FYB2: variants seen among roughly 807,000 people sequenced by gnomAD.
FYB2 encodes the protein FYN-binding protein 2.
In FYB2, 103 loss-of-function variants were observed where a neutral mutation model predicts 94.1. The ratio of observed to expected loss-of-function variants is 1.09; its 90% CI spans 0.93 to 1.29. The LOEUF (loss-of-function observed/expected upper bound fraction) is 1.29, where lower values mean the gene tolerates loss of function less well. Among genes scored for constraint, FYB2 ranks in the 50% most tolerant of loss-of-function variants. The pLI is 0.00. For missense variants in FYB2, 896 were observed against 841.5 expected (o/e 1.06, Z -0.80); for synonymous variants, 293 against 287.9 (o/e 1.02, Z -0.18).
chr1:56,756,235 C>A (rs1645327298), intron 6 of FYB2, among the ~76,000 whole-genome samples: 1 of 152,142 alleles, frequency 6.6e-6, no homozygotes, highest in Admixed American at 6.5e-5. Context: ...ACTTCTAAAT[C>A]CTATGAGAAA....
At chr1:56,795,773 T>C (rs911307486) in intron 1 of FYB2, among the ~76,000 whole-genome samples, 3 of 152,336 alleles carry the variant, frequency 2.0e-5, no homozygotes, top group Admixed American at 6.5e-5. Context: ...ATGTTGTTGC[T>C]TAGATTTTAG....
chr1:56,743,573 A>ACAAG (rs747993973), intron 11 of FYB2, among the ~76,000 whole-genome samples: 3 of 152,116 alleles, frequency 2.0e-5, no homozygotes, highest in Middle Eastern at 3.4e-3. Context: ...GGCAAATTAT[A>ACAAG]CAAGCTAAAA....
At chr1:56,793,738 G>T (rs1453653282) in intron 1 of FYB2, among the ~76,000 whole-genome samples, 4 of 80,678 alleles carry the variant, frequency 5.0e-5, no homozygotes, top group East Asian at 4.2e-4. Context: ...AACGAAAGTT[G>T]AAAAAAAAAA....
intron 4 of FYB2, among the ~76,000 whole-genome samples, chr1:56,773,466 C>T (rs759176115): frequency 4.6e-5 from 7 of 152,210 alleles, no homozygotes; most frequent in Non-Finnish European, 8.8e-5. Context: ...ATGCACCTCT[C>T]ATTGGCTGTG....
chr1:56,742,262 G>C, intron 11 of FYB2, 41 bp from the exon 12 acceptor site: 1 of 1,425,914 alleles, frequency 7.0e-7, no homozygotes, highest in Non-Finnish European at 9.8e-7. Flanking sequence ...CATTATAATA[G>C]CAATAGTTCA....
chr1:56,740,058 G>T lies in FYB2; in HGVS notation c.1703+639C>A, dbSNP rs550648531. ...GGAATGCTGTGGGTGTATAAAGGAA[G>T]TGATATGCCCACAGTTGTACATGGA... is the stretch of plus-strand genomic sequence containing the variant. On this transcript the variant is annotated intron_variant, in intron 13 of 19. Coordinates refer to ENST00000343433, the MANE Select transcript of FYB2 (RefSeq NM_001004303.5). Among the ~76,000 whole-genome samples the T allele has an allele frequency of 9.9e-5, 15 of 152,180 alleles. No homozygotes were observed. The South Asian group carries it at 2.5e-3, about 25-fold the overall frequency.
chr1:56,785,855 C>A (rs1646122424), intron 4 of FYB2, among the ~76,000 whole-genome samples: 1 of 152,194 alleles, frequency 6.6e-6, no homozygotes, highest in Non-Finnish European at 1.5e-5. Context: ...CCATTCTTCA[C>A]TCCTTCCTGC....
upstream of FYB2, among the ~76,000 whole-genome samples, chr1:56,822,078 T>C (rs1276543628): frequency 6.6e-6 from 1 of 152,186 alleles, no homozygotes; most frequent in African/African-American, 2.4e-5. Flanking sequence ...CACTTAATCA[T>C]GTATAAAGAA....
At chr1:56,787,379 A>G (rs1372563007) in intron 3 of FYB2, among the ~76,000 whole-genome samples, 171 bp from the exon 4 acceptor site, 1 of 152,234 alleles carries the variant, frequency 6.6e-6, no homozygotes, top group Non-Finnish European at 1.5e-5. Flanking sequence ...CTGTCCCTGC[A>G]TTGCAGCACT....
At chr1:56,742,622 C>T (rs940576535) in intron 11 of FYB2, among the ~76,000 whole-genome samples, 2 of 152,078 alleles carry the variant, frequency 1.3e-5, no homozygotes, top group African/African-American at 4.8e-5. Context: ...AATAATCTCT[C>T]CCTTCACAGC....
intron 15 of FYB2, among the ~76,000 whole-genome samples, chr1:56,729,601 C>A (rs1394262358): frequency 6.6e-6 from 1 of 152,056 alleles, no homozygotes; most frequent in African/African-American, 2.4e-5. Context: ...CAACTCTAAG[C>A]AGATTATCTA....
intron 2 of FYB2, among the ~76,000 whole-genome samples, chr1:56,791,121 A>G (rs1646253722): frequency 6.6e-6 from 1 of 152,198 alleles, no homozygotes; most frequent in Non-Finnish European, 1.5e-5. Flanking sequence ...GAAACCATAC[A>G]AGGTTGTAAG....
Position 56,787,283 on chromosome 1 carries a change from G to T in FYB2, c.920-75C>A, listed in dbSNP as rs375739565. 2,138 of 1,535,186 alleles carry T rather than the reference G, an allele frequency of 1.4e-3. 9 individuals carry two copies. Among genetic ancestry groups the T allele is most frequent in the South Asian group, 1.5e-3 (138 of 89,328 alleles). Reference sequence around the variant, plus strand: ...TTAAAGTGAATGATGCTTGTGTGATGACTTGATCCCACAGATAATGTGGAG... The same window carrying T: ...TTAAAGTGAATGATGCTTGTGTGATTACTTGATCCCACAGATAATGTGGAG... On this transcript the variant is annotated intron_variant, in intron 3 of 19. Coordinates refer to ENST00000343433, the MANE Select transcript of FYB2 (RefSeq NM_001004303.5).
At chr1:56,752,701 T>G (rs1299261667) in intron 8 of FYB2, among the ~76,000 whole-genome samples, 1 of 152,110 alleles carries the variant, frequency 6.6e-6, no homozygotes, top group Non-Finnish European at 1.5e-5. Flanking sequence ...TAACATATTC[T>G]AAATCACATT....
At chr1:56,787,929 T>C (rs1426638402) in intron 3 of FYB2, among the ~76,000 whole-genome samples, 1 of 152,238 alleles carries the variant, frequency 6.6e-6, no homozygotes, top group East Asian at 1.9e-4. Flanking sequence ...ATCAGTAAAG[T>C]ATACTTATAA....
At chr1:56,765,837 A>G (rs1192766723) in intron 5 of FYB2, among the ~76,000 whole-genome samples, 1 of 152,164 alleles carries the variant, frequency 6.6e-6, no homozygotes, top group Admixed American at 6.5e-5. Context: ...TTTGTTTTAC[A>G]TACATAATGC....
At chr1:56,781,090 A>G (rs1490915900) in intron 4 of FYB2, among the ~76,000 whole-genome samples, 2 of 152,226 alleles carry the variant, frequency 1.3e-5, no homozygotes, top group African/African-American at 4.8e-5. Context: ...CCTGAAGTGC[A>G]GCCATTCAGG....
intron 13 of FYB2, among the ~76,000 whole-genome samples, chr1:56,740,186 A>C (rs1644919099): frequency 6.6e-6 from 1 of 152,076 alleles, no homozygotes; most frequent in Non-Finnish European, 1.5e-5. Context: ...CAGTTAGCCT[A>C]GGTTATCTCA....
intron 14 of FYB2, 49 bp from the exon 15 acceptor site, chr1:56,737,196 A>G: frequency 7.0e-7 from 1 of 1,428,168 alleles, no homozygotes; most frequent in Non-Finnish European, 9.7e-7. Flanking sequence ...CATGGTTTAT[A>G]TAAGCACTGA....
Sources: allele counts gnomAD v4.1 joint callset (sites outside exome capture counted in the v4.1 genomes callset), GRCh38; gene constraint gnomAD v4.1.1; transcripts MANE v1.5; gene names NCBI Gene and HGNC (gene_info 2026-07-23, HGNC 2026-07-21).